The following ZNF497 variants were observed in gnomAD, a reference collection of about 807,000 sequenced individuals.
ZNF497 encodes zinc finger-like protein.
For missense variants in ZNF497, 930 were observed against 714.0 expected (o/e 1.30, Z -3.45); for synonymous variants, 422 against 313.7 (o/e 1.35, Z -3.65).
In ZNF497 at chr19:58,356,344, TG is replaced by T; in HGVS notation, c.1291del (p.Gln431SerfsTer28). ...KAFRGSSELR[Q>X]HQRLHSGERP... ...CTCGCCAGAGTGCAGGCGCTGGTGC[TG>T]GCGCAGCTCGGAGCTGCCGCGGAAG... On this transcript the variant is annotated frameshift_variant, in exon 3 of 3. Transcript: ENST00000311044. 1 of 1,570,120 alleles carries T rather than the reference TG, an allele frequency of 6.4e-7. No homozygotes were observed. The highest frequency in any genetic ancestry group is 8.6e-7 in the Non-Finnish European group (1 of 1,160,594).
At chr19:58,361,883 T>C (rs1034355314) in intron 1 of ZNF497, among the ~76,000 whole-genome samples, 7 of 152,134 alleles carry the variant, frequency 4.6e-5, no homozygotes, top group South Asian at 2.1e-4. Flanking sequence ...CCGCTGCCCC[T>C]CCATCCTGTG....
intron 2 of ZNF497, 86 bp from the exon 3 acceptor site, chr19:58,357,735 G>A (rs1033282250): frequency 1.7e-5 from 22 of 1,329,042 alleles, no homozygotes; most frequent in Middle Eastern, 1.9e-4. Context: ...CGGTGGGTGG[G>A]CTGTCATCCC....
Position 58,356,094 on chromosome 19 carries a change from C to T in ZNF497, c.*45G>A. 6.7e-7 allele frequency: 1 copy of T among 1,490,466 alleles called. No individual in the cohort carries two copies. The highest frequency in any genetic ancestry group is 8.9e-7 in the Non-Finnish European group (1 of 1,126,358). The allele number at this position is 1,490,466 out of a possible 1,614,324, so 92.3% of individuals were successfully genotyped here. A position where few individuals can be genotyped will look rare whatever the true frequency, so the allele number is the denominator to read the frequency against. Reference sequence around the variant, plus strand: ...GACAGCGCACTCACGCCCGAGACCCCGCAATGCCGTGTGTCCGCGACCTCC... The same window carrying T: ...GACAGCGCACTCACGCCCGAGACCCTGCAATGCCGTGTGTCCGCGACCTCC... On this transcript the variant is annotated 3_prime_UTR_variant, in exon 3 of 3. Coordinates refer to ENST00000311044, the MANE Select transcript of ZNF497 (RefSeq NM_198458.3).
rs951022020 is a variant in ZNF497, at chr19:58,360,876, G to A, written c.-112+1801C>T. On this transcript the variant is annotated intron_variant, in intron 1 of 2. Coordinates refer to ENST00000311044, the MANE Select transcript of ZNF497 (RefSeq NM_198458.3). The stretch of plus-strand genomic sequence containing the variant: ...GGCTCACTGCAAGCTCTGCCTCCCG[G>A]GTTCATACCATTCTCCTGCCTCAGC... Among the ~76,000 whole-genome samples, 11 of 143,262 alleles carry A rather than the reference G, an allele frequency of 7.7e-5. No individual in the cohort carries two copies. The Admixed American group carries it at 8.1e-4, about 11-fold the overall frequency. 94.0% of individuals were successfully genotyped at this position (143,262 alleles called of 152,430 possible).
chr19:58,357,329 C>T lies in ZNF497; in HGVS notation c.307G>A (p.Glu103Lys). ...RALRPSPLPE[E>K]PGCRCGECGK... The stretch of plus-strand genomic sequence containing the variant: ...CACTCCCCGCACCGGCAGCCCGGCT[C>T]CTCTGGGAGAGGCGAAGGGCGCAAC... The change falls in exon 3 of 3, where the codon GAG becomes AAG. Residue 103 changes from glutamate (E) to lysine (K), a missense_variant. Physicochemically the swap from Glu to Lys is moderately conservative, Grantham distance 56. Transcript: ENST00000311044. 6.2e-7 allele frequency: 1 copy of T among 1,603,434 alleles called. No individual in the cohort carries two copies. Among genetic ancestry groups the T allele is most frequent in the Non-Finnish European group, 8.5e-7 (1 of 1,175,604 alleles).
chr19:58,358,238 G>C (rs2052050728), intron 2 of ZNF497: 1 of 1,289,740 alleles, frequency 7.8e-7, no homozygotes, highest in Admixed American at 2.3e-5. Flanking sequence ...CCTCTGTGCA[G>C]GTCAGACCAG....
intron 1 of ZNF497, chr19:58,359,711 C>T (rs530476676): frequency 6.9e-5 from 21 of 304,030 alleles, no homozygotes; most frequent in African/African-American, 3.3e-4. Flanking sequence ...CGGTGGCTGA[C>T]GGCTGTAGTC....
rs747000945 is a variant in ZNF497, at chr19:58,357,245, C to T, written c.391G>A (p.Glu131Lys). The T allele has an allele frequency of 6.2e-6, 10 of 1,612,908 alleles. No individual in the cohort carries two copies. The African/African-American group carries it at 9.3e-5, about 15-fold the overall frequency. The change falls in exon 3 of 3, where the codon GAG (glutamate) becomes AAG (lysine). Residue 131 changes from glutamate to lysine, a missense_variant. By Grantham distance (56) the Glu-to-Lys change is moderately conservative. Transcript: ENST00000311044. ...LLQHRRVHTG[E>K]KPYTCPECGK... is the part of the protein sequence containing the mutation. ...CACTCGGGGCACGTGTACGGCTTCT[C>T]GCCTGTGTGCACGCGCCGATGCTGC...
Position 58,359,364 on chromosome 19 carries a change from C to A in ZNF497, c.-111-779G>T, listed in dbSNP as rs534750260. 6.7e-5 allele frequency: 56 copies of A among 831,714 alleles called. No individual in the cohort carries two copies. The African/African-American group carries it at 8.6e-4, about 13-fold the overall frequency. 51.5% of individuals were successfully genotyped at this position (831,714 alleles called of 1,614,324 possible). On this transcript the variant is annotated intron_variant, in intron 1 of 2. Transcript: ENST00000311044. ...TGAGCCTGTGAGCACAGCAAGGCCA[C>A]GAAGGTCCCCTCCTTGGGACCACCT...
chr19:58,356,424 G>C lies in ZNF497; in HGVS notation c.1212C>G (p.His404Gln), dbSNP rs756552901. Reference protein sequence around the residue: ...AFRGSSGLAHHRLSHTGERPF... With the variant: ...AFRGSSGLAHQRLSHTGERPF... ...GTCGCTCTCCCGTGTGCGAAAGCCG[G>C]TGGTGCGCCAGGCCGGAACTGCCGC... The change falls in exon 3 of 3, where the codon CAC becomes CAG. Residue 404 changes from histidine to glutamine, a missense_variant. Coordinates refer to ENST00000311044, the MANE Select transcript of ZNF497 (RefSeq NM_198458.3). 1.1e-5 allele frequency: 17 copies of C among 1,563,600 alleles called. No individual in the cohort carries two copies. Among genetic ancestry groups the C allele is most frequent in the Non-Finnish European group, 1.5e-5 (17 of 1,159,688 alleles).
At chr19:58,361,341 T>C (rs190822822) in intron 1 of ZNF497, among the ~76,000 whole-genome samples, 18 of 152,274 alleles carry the variant, frequency 1.2e-4, no homozygotes, top group Admixed American at 1.2e-3. Flanking sequence ...GTTGTGATAT[T>C]GTACTCTAGT....
At position 58,357,247 on chromosome 19, in the gene ZNF497, C is replaced by G. The variant is rs1172387246; in HGVS notation, c.389G>C (p.Gly130Ala). The part of the protein sequence containing the change: ...YLLQHRRVHT[G>A]EKPYTCPECG... ...CTCGGGGCACGTGTACGGCTTCTCG[C>G]CTGTGTGCACGCGCCGATGCTGCAG... Residue 130 changes from glycine to alanine, a missense_variant, in exon 3 of 3, where the codon GGC (glycine) becomes GCC (alanine). Gly to Ala is a moderately conservative substitution (Grantham distance 60). Coordinates refer to ENST00000311044, the MANE Select transcript of ZNF497 (RefSeq NM_198458.3). 1.9e-6 allele frequency: 3 copies of G among 1,613,038 alleles called. No individual in the cohort carries two copies. The highest frequency in any genetic ancestry group is 2.5e-6 in the Non-Finnish European group (3 of 1,179,778).
rs1308867851 is a variant in ZNF497, at chr19:58,356,460, G to A, written c.1176C>T (p.Gly392=). 1.3e-6 allele frequency: 2 copies of A among 1,553,702 alleles called. No individual in the cohort carries two copies. The highest frequency in any genetic ancestry group is 1.7e-6 in the Non-Finnish European group (2 of 1,155,616). The change falls in exon 3 of 3, where the codon GGC becomes GGT. Residue 392 remains glycine (G), a synonymous_variant. Coordinates refer to ENST00000311044, the MANE Select transcript of ZNF497 (RefSeq NM_198458.3). ...GAKPFACADC[G]KAFRGSSGLA... Reference sequence around the variant, plus strand: ...GGCCGGAACTGCCGCGGAAGGCCTTGCCGCAGTCGGCGCAGGCGAAGGGCT... The same window carrying A: ...GGCCGGAACTGCCGCGGAAGGCCTTACCGCAGTCGGCGCAGGCGAAGGGCT...
At chr19:58,360,688 C>T (rs2052082113) in intron 1 of ZNF497, among the ~76,000 whole-genome samples, 3 of 150,738 alleles carry the variant, frequency 2.0e-5, no homozygotes, top group South Asian at 2.1e-4. Flanking sequence ...GCCATCAGGC[C>T]TGGCTTATTT....
chr19:58,361,805 T>C (rs913754471), intron 1 of ZNF497, among the ~76,000 whole-genome samples: 2 of 152,174 alleles, frequency 1.3e-5, no homozygotes, highest in Middle Eastern at 3.2e-3. Context: ...AAAATCCATA[T>C]TTGTGTATTG....
chr19:58,358,454 G>A (rs1265972548), intron 2 of ZNF497, 35 bp downstream of exon 2: 5 of 1,150,470 alleles, frequency 4.3e-6, no homozygotes, highest in Non-Finnish European at 5.5e-6. Flanking sequence ...CGCTGCCAAG[G>A]CAGGGCAGGG....
chr19:58,357,949 C>T, intron 2 of ZNF497: 2 of 1,329,202 alleles, frequency 1.5e-6, no homozygotes, highest in East Asian at 6.4e-5. Flanking sequence ...GTTGCCCACG[C>T]ACCTGCACTG....
chr19:58,355,920 C>G lies in ZNF497; in HGVS notation c.*219G>C. ...CTGCCGCCCTCCCTGGGGTAAGAGC[C>G]CATCCTACATGTCCCCAGACAGGCC... On this transcript the variant is annotated 3_prime_UTR_variant, in exon 3 of 3. Coordinates refer to ENST00000311044, the MANE Select transcript of ZNF497 (RefSeq NM_198458.3). 1.9e-6 allele frequency: 1 copy of G among 533,868 alleles called. No homozygotes were observed. The highest frequency in any genetic ancestry group is 3.2e-6 in the Non-Finnish European group (1 of 315,044). The allele number at this position is 533,868 out of a possible 1,614,324, so 33.1% of individuals were successfully genotyped here.
At chr19:58,358,340 C>G in intron 2 of ZNF497, 149 bp downstream of exon 2, 1 of 1,248,432 alleles carries the variant, frequency 8.0e-7, no homozygotes, top group African/African-American at 1.5e-5. Context: ...TAAGGCCATG[C>G]CTGCCTGTCC....
Sources: gnomAD v4.1 joint callset for allele counts (sites outside exome capture counted in the v4.1 genomes callset) on GRCh38, gnomAD v4.1.1 for gene constraint, MANE v1.5 for transcripts, NCBI Gene and HGNC (gene_info 2026-07-23, HGNC 2026-07-21) for gene names.